Variants in GRID2 observed in about 807,000 individuals in gnomAD.
GRID2 encodes the protein glutamate ionotropic receptor delta type subunit 2.
GRID2 carries 33 observed loss-of-function variants against 114.8 expected under a neutral mutation model. The ratio of observed to expected loss-of-function variants is 0.29; its 90% confidence interval spans 0.22 to 0.38. GRID2 has a LOEUF of 0.38. GRID2 is among the 10% of genes least tolerant of loss of function. The pLI, the probability that GRID2 is intolerant of heterozygous loss-of-function variation, is 1.00. For synonymous variants in GRID2, 505 were observed against 449.9 expected (o/e 1.12, Z -1.55); for missense variants, 1,184 against 1,257.7 (o/e 0.94, Z 0.89).
At chr4:92,464,576 A>G (rs1440683108) in intron 1 of GRID2, among the ~76,000 whole-genome samples, 1 of 152,082 alleles carries the variant, frequency 6.6e-6, no homozygotes, top group Non-Finnish European at 1.5e-5. Context: ...ACTTTCAAAA[A>G]TCCTTAAAAA....
intron 1 of GRID2, among the ~76,000 whole-genome samples, chr4:92,515,794 AAG>A (rs1296760233): frequency 5.3e-5 from 8 of 151,970 alleles, no homozygotes; most frequent in African/African-American, 1.7e-4. Context: ...CAGAGAAAAA[AAG>A]AATATTGTTC....
At chr4:92,550,816 ATAATAT>A (rs1726548123) in intron 1 of GRID2, among the ~76,000 whole-genome samples, 1 of 152,224 alleles carries the variant, frequency 6.6e-6, no homozygotes, top group Non-Finnish European at 1.5e-5. Context: ...TCATTTTAAG[ATAATAT>A]TAATGTGGAA....
chr4:92,577,039 A>G (rs1727929168), intron 1 of GRID2, among the ~76,000 whole-genome samples: 1 of 152,172 alleles, frequency 6.6e-6, no homozygotes, highest in South Asian at 2.1e-4. Flanking sequence ...AATTGCCAAC[A>G]TAAATTCTCC....
At chr4:93,166,231 A>G (rs932368070) in intron 4 of GRID2, 7 of 152,198 alleles carry the variant, frequency 4.6e-5, no homozygotes, top group African/African-American at 9.6e-5. Context: ...TTTAGTATCT[A>G]TCTATTAAAG....
At chr4:93,545,132 A>G (rs1733083211) in intron 13 of GRID2, among the ~76,000 whole-genome samples, 1 of 152,220 alleles carries the variant, frequency 6.6e-6, no homozygotes, top group Non-Finnish European at 1.5e-5. Flanking sequence ...TACAGTGGTG[A>G]ATAAGACAGT....
At chr4:92,921,251 T>A in intron 2 of GRID2, among the ~76,000 whole-genome samples, 1 of 152,122 alleles carries the variant, frequency 6.6e-6, no homozygotes, top group East Asian at 1.9e-4. Flanking sequence ...GCCATTTGTT[T>A]AAGTTTTTTT....
chr4:93,278,933 A>T (rs1252038868), intron 8 of GRID2, among the ~76,000 whole-genome samples: 2 of 151,618 alleles, frequency 1.3e-5, no homozygotes, highest in Admixed American at 6.6e-5. Context: ...ATAAACCTTT[A>T]GTCTCAGTCT....
chr4:92,429,686 A>G (rs930939383), intron 1 of GRID2, among the ~76,000 whole-genome samples: 16 of 152,162 alleles, frequency 1.1e-4, no homozygotes, highest in African/African-American at 2.9e-4. Flanking sequence ...TGCTCTCTAT[A>G]GTGGCTGTAC....
intron 13 of GRID2, among the ~76,000 whole-genome samples, chr4:93,530,738 G>A (rs1731359068): frequency 6.6e-6 from 1 of 152,036 alleles, no homozygotes; most frequent in African/African-American, 2.4e-5. Context: ...TGATTCATCA[G>A]TGTATCCCTC....
chr4:92,489,281 C>G (rs1723038348), intron 1 of GRID2, among the ~76,000 whole-genome samples: 2 of 152,010 alleles, frequency 1.3e-5, no homozygotes, highest in African/African-American at 4.8e-5. Flanking sequence ...TATATTCATT[C>G]AGATATTTTT....
chr4:93,232,196 A>G (rs1372427030), intron 7 of GRID2, among the ~76,000 whole-genome samples: 4 of 152,192 alleles, frequency 2.6e-5, no homozygotes, highest in Non-Finnish European at 5.9e-5. Flanking sequence ...TGAATTTTAG[A>G]ACACCTTTAC....
intron 13 of GRID2, among the ~76,000 whole-genome samples, chr4:93,590,729 C>T (rs1182386982): frequency 2.6e-5 from 4 of 152,048 alleles, no homozygotes; most frequent in East Asian, 1.9e-4. Flanking sequence ...CTTTTATTTC[C>T]GTGAGCAGCG....
chr4:92,625,505 C>T (rs186272051), intron 2 of GRID2, among the ~76,000 whole-genome samples: 3 of 151,784 alleles, frequency 2.0e-5, no homozygotes, highest in Admixed American at 6.6e-5. Context: ...AATAGTGTTT[C>T]GATTTATACT....
At chr4:93,092,227 T>A (rs1730853574) in intron 3 of GRID2, among the ~76,000 whole-genome samples, 1 of 152,102 alleles carries the variant, frequency 6.6e-6, no homozygotes, top group Non-Finnish European at 1.5e-5. Context: ...GTTGAGCATC[T>A]TTTGCATACA....
intron 2 of GRID2, among the ~76,000 whole-genome samples, chr4:92,920,077 A>G (rs1015726897): frequency 6.6e-6 from 1 of 152,114 alleles, no homozygotes; most frequent in African/African-American, 2.4e-5. Context: ...CTTCTTGTTG[A>G]ATTGATCTCT....
At chr4:93,600,649 G>T (rs530571947) in intron 13 of GRID2, among the ~76,000 whole-genome samples, 60 of 152,138 alleles carry the variant, frequency 3.9e-4, no homozygotes, top group Non-Finnish European at 7.3e-4. Context: ...TTGGAAATCT[G>T]TTTAGCAGTT....
intron 2 of GRID2, among the ~76,000 whole-genome samples, chr4:92,791,459 G>C (rs1739587657): frequency 6.6e-6 from 1 of 151,734 alleles, no homozygotes; most frequent in African/African-American, 2.4e-5. Context: ...TTTATGATTA[G>C]TTTTACTTAA....
At position 93,316,339 on chromosome 4, in the gene GRID2, A is replaced by AGAAAGAAAGAAGGAAGGAAG. The variant is rs1192535496; in HGVS notation, c.1245+77852_1245+77853insAGAAAGAAGGAAGGAAGGAA. 4.3e-3 allele frequency among the ~76,000 whole-genome samples: 236 copies of AGAAAGAAAGAAGGAAGGAAG among 54,926 alleles called. 1 individual carries two copies. Among genetic ancestry groups the AGAAAGAAAGAAGGAAGGAAG allele is most frequent in the African/African-American group, 0.013 (225 of 16,722 alleles). The allele number at this position is 54,926 out of a possible 152,430, so 36.0% of individuals were successfully genotyped here. On this transcript the variant is annotated intron_variant, in intron 8 of 15. Transcript: ENST00000282020. ...AAGAAAGAAAGAAAGAAAGAAAGAA[A>AGAAAGAAAGAAGGAAGGAAG]GAAGGAAGGAAGGAAGGAAGGAAAA...
At chr4:92,547,698 T>C (rs987979163) in intron 1 of GRID2, among the ~76,000 whole-genome samples, 2 of 152,088 alleles carry the variant, frequency 1.3e-5, no homozygotes, top group African/African-American at 2.4e-5. Context: ...TTTCTTTATA[T>C]GCCAGCATAC....
Sources: allele counts gnomAD v4.1 joint callset (sites outside exome capture counted in the v4.1 genomes callset), GRCh38; gene constraint gnomAD v4.1.1; transcripts MANE v1.5; gene names NCBI Gene and HGNC (gene_info 2026-07-23, HGNC 2026-07-21).